The following SKAP2 variants were observed in gnomAD, a reference collection of about 807,000 sequenced individuals.
SKAP2 encodes src kinase-associated phosphoprotein 2.
In SKAP2, 28 loss-of-function variants were observed where a neutral mutation model predicts 54.9. The observed-to-expected ratio is 0.51, with a 90% CI of 0.38 to 0.70. SKAP2 has a LOEUF of 0.70. Among genes scored for constraint, SKAP2 ranks in the 30% least tolerant of loss-of-function variants. The probability of loss-of-function intolerance (pLI) is 0.00; values close to 1 mark genes in which losing one functional copy is unlikely to be tolerated. For missense variants in SKAP2, 356 were observed against 424.1 expected (o/e 0.84, Z 1.41); for synonymous variants, 137 against 134.3 (o/e 1.02, Z -0.14).
chr7:26,854,919 A>G (rs1169550199), intron 1 of SKAP2, 29 bp from the exon 2 acceptor site: 2 of 1,458,666 alleles, frequency 1.4e-6, no homozygotes, highest in African/African-American at 2.8e-5. Context: ...GAAACAGGAT[A>G]CAAATTATAA....
At chr7:26,737,074 A>C (rs1478334494) in intron 6 of SKAP2, among the ~76,000 whole-genome samples, 1 of 152,198 alleles carries the variant, frequency 6.6e-6, no homozygotes, top group Non-Finnish European at 1.5e-5. Context: ...GAAATGGAGG[A>C]AACACTGACA....
intron 5 of SKAP2, 149 bp downstream of exon 5, chr7:26,739,738 G>T: frequency 1.7e-6 from 1 of 571,480 alleles, no homozygotes; most frequent in Non-Finnish European, 3.0e-6. Flanking sequence ...GCTATATTTT[G>T]TGGTTTGGAT....
At chr7:26,703,956 TGTAA>T (rs1787104286) in intron 9 of SKAP2, among the ~76,000 whole-genome samples, 2 of 152,216 alleles carry the variant, frequency 1.3e-5, no homozygotes, top group African/African-American at 2.4e-5. Flanking sequence ...TCCCTTTGGG[TGTAA>T]AACCTTGCAT....
intron 11 of SKAP2, among the ~76,000 whole-genome samples, chr7:26,683,831 T>G (rs1481330316): frequency 6.6e-6 from 1 of 150,884 alleles, no homozygotes; most frequent in African/African-American, 2.5e-5. Context: ...ATACTATCTC[T>G]CTGAAAAGTC....
chr7:26,706,667 G>A (rs1234046465), intron 9 of SKAP2, among the ~76,000 whole-genome samples: 4 of 152,150 alleles, frequency 2.6e-5, no homozygotes, highest in Admixed American at 1.3e-4. Flanking sequence ...TTTATGTCAT[G>A]TAAGTTCTAC....
At chr7:26,821,952 T>A (rs1355548977) in intron 4 of SKAP2, among the ~76,000 whole-genome samples, 1 of 152,180 alleles carries the variant, frequency 6.6e-6, no homozygotes. Flanking sequence ...TCCTTACAAC[T>A]CTTATCTCTG....
downstream of SKAP2, among the ~76,000 whole-genome samples, chr7:26,662,615 T>C (rs1786030811): frequency 6.6e-6 from 1 of 152,028 alleles, no homozygotes; most frequent in Admixed American, 6.6e-5. Flanking sequence ...TTATTCAAAA[T>C]GGAATCATTT....
At chr7:26,727,139 G>A in intron 6 of SKAP2, 133 bp from the exon 7 acceptor site, 1 of 602,768 alleles carries the variant, frequency 1.7e-6, no homozygotes, top group Non-Finnish European at 2.7e-6. Flanking sequence ...ATAATGCTTA[G>A]GTAATGTTTT....
intron 4 of SKAP2, among the ~76,000 whole-genome samples, chr7:26,809,759 T>C (rs536111961): frequency 6.6e-6 from 1 of 152,306 alleles, no homozygotes; most frequent in African/African-American, 2.4e-5. Flanking sequence ...TCTGGGAATA[T>C]ATCCAAAAGA....
intron 4 of SKAP2, among the ~76,000 whole-genome samples, chr7:26,815,962 T>C (rs1400154300): frequency 1.3e-5 from 2 of 152,168 alleles, no homozygotes; most frequent in African/African-American, 4.8e-5. Flanking sequence ...AAAATCAGGC[T>C]TTTAAAAAAT....
intron 4 of SKAP2, among the ~76,000 whole-genome samples, chr7:26,767,636 G>C (rs1783089939): frequency 6.6e-6 from 1 of 152,160 alleles, no homozygotes; most frequent in Non-Finnish European, 1.5e-5. Context: ...CTTTAGCTGT[G>C]TCCCAGAGAT....
intron 11 of SKAP2, among the ~76,000 whole-genome samples, chr7:26,678,991 T>A (rs1462542318): frequency 1.3e-5 from 2 of 151,902 alleles, no homozygotes; most frequent in African/African-American, 4.8e-5. Flanking sequence ...ATTGTTCAAC[T>A]GAGAATTAAA....
chr7:26,861,983 T>C (rs1031898481), intron 1 of SKAP2, among the ~76,000 whole-genome samples: 4 of 152,174 alleles, frequency 2.6e-5, no homozygotes, highest in African/African-American at 9.6e-5. Context: ...CTTGGAATTC[T>C]AGCATAGTAC....
At chr7:26,799,114 A>AAGG (rs1783851188) in intron 4 of SKAP2, among the ~76,000 whole-genome samples, 2 of 148,764 alleles carry the variant, frequency 1.3e-5, no homozygotes, top group Non-Finnish European at 3.0e-5. Context: ...GCAAGGCAAG[A>AAGG]CAAGGCAAGG....
chr7:26,770,522 T>C (rs1783166551), intron 4 of SKAP2, among the ~76,000 whole-genome samples: 1 of 152,082 alleles, frequency 6.6e-6, no homozygotes, highest in Admixed American at 6.5e-5. Context: ...CTCCCACAGC[T>C]AGCTCGGTGT....
intron 9 of SKAP2, among the ~76,000 whole-genome samples, chr7:26,709,007 A>G (rs558100422): frequency 1.3e-5 from 2 of 152,318 alleles, no homozygotes; most frequent in East Asian, 3.9e-4. Flanking sequence ...ATCTCTGCAG[A>G]ATACTTTTAA....
chr7:26,833,404 A>G (rs529106074), intron 4 of SKAP2, among the ~76,000 whole-genome samples: 1 of 151,788 alleles, frequency 6.6e-6, no homozygotes, highest in South Asian at 2.1e-4. Context: ...TCTCAAAAAA[A>G]AAAAAAAAAG....
At chr7:26,851,233 C>T (rs1214810675) in intron 3 of SKAP2, among the ~76,000 whole-genome samples, 3 of 137,404 alleles carry the variant, frequency 2.2e-5, no homozygotes, top group African/African-American at 8.3e-5. Flanking sequence ...GTCTGTGACA[C>T]GTGGCGAAAC....
intron 4 of SKAP2, among the ~76,000 whole-genome samples, chr7:26,826,856 C>A (rs775307923): frequency 2.2e-4 from 33 of 152,144 alleles, no homozygotes; most frequent in Non-Finnish European, 4.3e-4. Flanking sequence ...AACTTTTATT[C>A]CATCTAGCAC....
Sources: gnomAD v4.1 joint callset for allele counts (sites outside exome capture counted in the v4.1 genomes callset) on GRCh38, gnomAD v4.1.1 for gene constraint, MANE v1.5 for transcripts, NCBI Gene and HGNC (gene_info 2026-07-23, HGNC 2026-07-21) for gene names.